The following FHIP1A variants were observed in gnomAD, a reference collection of about 807,000 sequenced individuals.
The protein encoded by FHIP1A is FHF complex subunit HOOK-interacting protein 1A.
FHIP1A carries 61 observed loss-of-function variants against 88.6 expected under a neutral mutation model. The ratio of observed to expected loss-of-function variants is 0.69; its 90% CI spans 0.56 to 0.85. The LOEUF (loss-of-function observed/expected upper bound fraction) is 0.85, where lower values mean the gene tolerates loss of function less well. Ranked by LOEUF, FHIP1A falls within the 40% of genes least tolerant of loss-of-function variation. FHIP1A has a pLI of 0.00. For missense variants in FHIP1A, 1,154 were observed against 1,273.5 expected, an observed-to-expected ratio of 0.91 and a Z score of 1.43; for synonymous variants, 478 against 496.0, an observed-to-expected ratio of 0.96 and a Z score of 0.48.
intron 3 of FHIP1A, among the ~76,000 whole-genome samples, chr4:151,491,379 A>G (rs557088931): frequency 7.2e-5 from 11 of 152,320 alleles, no homozygotes; most frequent in Admixed American, 3.9e-4. Context: ...AGAATTTTGT[A>G]TCCAGTGAAA....
At chr4:151,578,176 T>C in intron 5 of FHIP1A, 100 bp downstream of exon 5, 2 of 1,110,754 alleles carry the variant, frequency 1.8e-6, no homozygotes, top group Non-Finnish European at 2.5e-6. Context: ...TCCCAGTAAG[T>C]TGTACTTGGC....
intron 10 of FHIP1A, among the ~76,000 whole-genome samples, chr4:151,648,550 G>GT (rs1736879630): frequency 6.6e-6 from 1 of 152,024 alleles, no homozygotes; most frequent in African/African-American, 2.4e-5. Flanking sequence ...TGGCACTGAC[G>GT]TAAGAATGGA....
At chr4:151,567,111 G>GT (rs1327316320) in intron 4 of FHIP1A, among the ~76,000 whole-genome samples, 1 of 152,164 alleles carries the variant, frequency 6.6e-6, no homozygotes, top group Non-Finnish European at 1.5e-5. Context: ...GATCTGCTGT[G>GT]TGGATAATTA....
chr4:151,538,523 A>G (rs919517864), intron 3 of FHIP1A, among the ~76,000 whole-genome samples: 1 of 152,204 alleles, frequency 6.6e-6, no homozygotes, highest in Non-Finnish European at 1.5e-5. Flanking sequence ...AGATTCCCAC[A>G]TGGTTCTTAG....
chr4:151,618,806 C>T (rs1344073646), intron 7 of FHIP1A, among the ~76,000 whole-genome samples: 1 of 152,194 alleles, frequency 6.6e-6, no homozygotes, highest in Non-Finnish European at 1.5e-5. Context: ...ATGCAAGTGT[C>T]TTATATTCAT....
At chr4:151,617,751 T>C (rs1254337495) in intron 7 of FHIP1A, among the ~76,000 whole-genome samples, 2 of 152,084 alleles carry the variant, frequency 1.3e-5, no homozygotes, top group Non-Finnish European at 2.9e-5. Context: ...CCAGGCATGG[T>C]GGCGTGTGCC....
intron 8 of FHIP1A, among the ~76,000 whole-genome samples, chr4:151,637,483 C>T (rs185336314): frequency 6.6e-6 from 1 of 152,276 alleles, no homozygotes; most frequent in African/African-American, 2.4e-5. Flanking sequence ...ATACACCCTG[C>T]TGCTCACCCT....
At chr4:151,422,913 T>A (rs1212708550) in intron 1 of FHIP1A, among the ~76,000 whole-genome samples, 1 of 152,232 alleles carries the variant, frequency 6.6e-6, no homozygotes, top group Non-Finnish European at 1.5e-5. Flanking sequence ...TCGCCATCAC[T>A]GTCTTTCTAG....
chr4:151,665,679 G>A lies in FHIP1A; in HGVS notation c.*2925G>A, dbSNP rs555436379. Among the ~76,000 whole-genome samples, 1 of 152,348 alleles carries A rather than the reference G, an allele frequency of 6.6e-6. No individual in the cohort carries two copies. The highest frequency in any genetic ancestry group is 6.5e-5 in the Admixed American group (1 of 15,304). ...TAGGCGGATATGAAGAAACCAGGGA[G>A]TGGGTGGGTGAGAATGGGAACTCCT... On this transcript the variant is annotated 3_prime_UTR_variant, in exon 14 of 14. Transcript: ENST00000435205.
intron 3 of FHIP1A, among the ~76,000 whole-genome samples, chr4:151,519,855 C>T (rs1731390799): frequency 6.6e-6 from 1 of 152,078 alleles, no homozygotes; most frequent in South Asian, 2.1e-4. Flanking sequence ...TGGGTAGTGG[C>T]ATAATGATAT....
chr4:151,506,183 C>T (rs982691617), intron 3 of FHIP1A, among the ~76,000 whole-genome samples: 3 of 152,020 alleles, frequency 2.0e-5, no homozygotes, highest in Admixed American at 6.6e-5. Context: ...GCTAGTATTA[C>T]AGGTGTGAGC....
intron 3 of FHIP1A, among the ~76,000 whole-genome samples, chr4:151,546,875 C>T (rs1732525601): frequency 6.6e-6 from 1 of 152,162 alleles, no homozygotes; most frequent in Non-Finnish European, 1.5e-5. Flanking sequence ...CTTGTTTCTT[C>T]AGGTGGGCTG....
chr4:151,412,269 A>AT (rs775531982), intron 1 of FHIP1A, among the ~76,000 whole-genome samples: 3 of 151,660 alleles, frequency 2.0e-5, no homozygotes, highest in South Asian at 2.1e-4. Flanking sequence ...TGCTCAGCTA[A>AT]TTTTTTTTGT....
chr4:151,583,982 T>A (rs1734117019), intron 5 of FHIP1A, among the ~76,000 whole-genome samples: 1 of 152,208 alleles, frequency 6.6e-6, no homozygotes, highest in Non-Finnish European at 1.5e-5. Flanking sequence ...TTTCCGTACT[T>A]AACATAGTAC....
rs369696522 is a variant in FHIP1A, at chr4:151,516,238, G to A, written c.-123+33590G>A. On this transcript the variant is annotated intron_variant, in intron 3 of 13. Transcript: ENST00000435205. ...TTTAATAAATGGTGCTGGGAAAACT[G>A]GCTAGCCATATGTAGAAAGCTGAAA... 6.5e-4 allele frequency among the ~76,000 whole-genome samples: 99 copies of A among 152,096 alleles called. 1 individual carries two copies. The South Asian group carries it at 0.019, about 29-fold the overall frequency.
At chr4:151,657,520 T>C (rs1737293776) in intron 13 of FHIP1A, among the ~76,000 whole-genome samples, 1 of 152,068 alleles carries the variant, frequency 6.6e-6, no homozygotes, top group South Asian at 2.1e-4. Flanking sequence ...GTAGGAGCGC[T>C]GAGGATGGCT....
chr4:151,564,729 CT>C (rs1417918941), intron 3 of FHIP1A, among the ~76,000 whole-genome samples: 2 of 152,166 alleles, frequency 1.3e-5, no homozygotes, highest in Non-Finnish European at 2.9e-5. Context: ...GATTTGTGTA[CT>C]TCTTCTAACA....
At chr4:151,593,525 A>G (rs1214295106) in intron 7 of FHIP1A, among the ~76,000 whole-genome samples, 2 of 152,056 alleles carry the variant, frequency 1.3e-5, no homozygotes, top group African/African-American at 2.4e-5. Flanking sequence ...TTTTGTAGCA[A>G]TTGTGAGTGG....
chr4:151,470,209 AAT>A (rs1316819054), intron 2 of FHIP1A, among the ~76,000 whole-genome samples: 1 of 152,212 alleles, frequency 6.6e-6, no homozygotes, highest in Non-Finnish European at 1.5e-5. Context: ...CTTTTTGACT[AAT>A]AGTGTAGAAA....
Sources: gnomAD v4.1 joint callset for allele counts (sites outside exome capture counted in the v4.1 genomes callset) on GRCh38, gnomAD v4.1.1 for gene constraint, MANE v1.5 for transcripts, NCBI Gene and HGNC (gene_info 2026-07-23, HGNC 2026-07-21) for gene names.